RXFP1: variants seen among roughly 807,000 people sequenced by gnomAD.
RXFP1 encodes relaxin receptor 1.
In RXFP1, 73 loss-of-function variants were observed where a neutral mutation model predicts 89.8. The ratio of observed to expected loss-of-function variants is 0.81; its 90% CI spans 0.67 to 0.99. The LOEUF is 0.99. Among genes scored for constraint, RXFP1 ranks in the 50% least tolerant of loss-of-function variants. RXFP1 has a pLI of 0.00. For missense variants in RXFP1, 793 were observed against 895.5 expected, an observed-to-expected ratio of 0.89 and a Z score of 1.46; for synonymous variants, 277 against 305.5, an observed-to-expected ratio of 0.91 and a Z score of 0.97.
chr4:158,603,752 T>C (rs976893922), intron 4 of RXFP1, among the ~76,000 whole-genome samples: 1 of 151,754 alleles, frequency 6.6e-6, no homozygotes, highest in African/African-American at 2.4e-5. Context: ...TAGCCAAGCG[T>C]GGTGGCGCAC....
chr4:158,636,821 A>G (rs1218696288), intron 12 of RXFP1, among the ~76,000 whole-genome samples: 1 of 152,220 alleles, frequency 6.6e-6, no homozygotes, highest in Admixed American at 6.5e-5. Flanking sequence ...TGCTATAGTC[A>G]GCATGTTACA....
chr4:158,609,201 A>T (rs969766792), intron 6 of RXFP1, among the ~76,000 whole-genome samples: 1 of 152,144 alleles, frequency 6.6e-6, no homozygotes, highest in African/African-American at 2.4e-5. Context: ...TTGATTTTTG[A>T]GGGACTGTCA....
Position 158,653,207 on chromosome 4 carries a change from T to C in RXFP1, c.*1152T>C, listed in dbSNP as rs1027507050. The C allele has an allele frequency of 6.6e-6, 1 of 152,250 alleles. No homozygotes were observed. Among genetic ancestry groups the C allele is most frequent in the Non-Finnish European group, 1.5e-5 (1 of 68,036 alleles). The allele number at this position is 152,250 out of a possible 1,614,324, so 9.4% of individuals were successfully genotyped here. On this transcript the variant is annotated 3_prime_UTR_variant, in exon 18 of 18. Coordinates refer to ENST00000307765, the MANE Select transcript of RXFP1 (RefSeq NM_021634.4). ...TTATTAGAATTTTTTGCTTTCATAA[T>C]GTGAAACCTTTAAGCAGGAGAAGAA...
intron 3 of RXFP1, among the ~76,000 whole-genome samples, chr4:158,597,239 A>G (rs1760801321): frequency 6.6e-6 from 1 of 152,184 alleles, no homozygotes; most frequent in South Asian, 2.1e-4. Context: ...ATCATTTTTG[A>G]CTAGAATAAT....
intron 1 of RXFP1, among the ~76,000 whole-genome samples, chr4:158,561,289 G>A (rs945338203): frequency 2.0e-5 from 3 of 152,122 alleles, no homozygotes; most frequent in African/African-American, 4.8e-5. Flanking sequence ...TTTGAAATCC[G>A]AAATGTTTCA....
intron 1 of RXFP1, among the ~76,000 whole-genome samples, chr4:158,546,190 G>C (rs1230826537): frequency 6.6e-6 from 1 of 151,970 alleles, no homozygotes; most frequent in Admixed American, 6.6e-5. Flanking sequence ...GGATTCCTAG[G>C]TATTTTATTC....
At chr4:158,558,159 G>A (rs1751706307) in intron 1 of RXFP1, among the ~76,000 whole-genome samples, 1 of 152,104 alleles carries the variant, frequency 6.6e-6, no homozygotes, top group Non-Finnish European at 1.5e-5. Flanking sequence ...TCACCTTTAG[G>A]AGTAAATAAG....
At chr4:158,529,735 T>G (rs1289959336) in intron 1 of RXFP1, among the ~76,000 whole-genome samples, 1 of 152,194 alleles carries the variant, frequency 6.6e-6, no homozygotes, top group Non-Finnish European at 1.5e-5. Flanking sequence ...AGCGCTTAAT[T>G]TCTCCTTCCT....
At chr4:158,532,230 C>T (rs1050653158) in intron 1 of RXFP1, among the ~76,000 whole-genome samples, 3 of 152,098 alleles carry the variant, frequency 2.0e-5, no homozygotes, top group African/African-American at 7.2e-5. Flanking sequence ...TTAGGATAAT[C>T]GCCTCCAGCT....
intron 1 of RXFP1, among the ~76,000 whole-genome samples, chr4:158,554,991 G>T (rs1750979715): frequency 6.6e-6 from 1 of 151,966 alleles, no homozygotes; most frequent in African/African-American, 2.4e-5. Context: ...CTGATGCTTG[G>T]CAGAAAATAT....
At chr4:158,612,035 T>TA (rs1004567119) in intron 6 of RXFP1, 95 bp from the exon 7 acceptor site, 2 of 1,006,890 alleles carry the variant, frequency 2.0e-6, no homozygotes, top group African/African-American at 3.3e-5. Context: ...GAATGCTATG[T>TA]AAAAAATTTA....
chr4:158,527,941 T>A (rs1273745455), intron 1 of RXFP1, among the ~76,000 whole-genome samples: 1 of 152,058 alleles, frequency 6.6e-6, no homozygotes, highest in Non-Finnish European at 1.5e-5. Flanking sequence ...GCAAGAAATA[T>A]CAAAAGGGTA....
intron 1 of RXFP1, among the ~76,000 whole-genome samples, chr4:158,562,449 G>T (rs908154946): frequency 6.4e-5 from 9 of 140,518 alleles, no homozygotes; most frequent in African/African-American, 2.3e-4. Flanking sequence ...GCGTGAACCC[G>T]GGAGGCGGAG....
chr4:158,647,835 G>A (rs912149463), intron 16 of RXFP1, among the ~76,000 whole-genome samples: 1 of 152,122 alleles, frequency 6.6e-6, no homozygotes, highest in African/African-American at 2.4e-5. Context: ...GACCAATATG[G>A]TAAAACCCCA....
At chr4:158,610,192 G>A (rs925016845) in intron 6 of RXFP1, among the ~76,000 whole-genome samples, 3 of 152,138 alleles carry the variant, frequency 2.0e-5, no homozygotes, top group Non-Finnish European at 4.4e-5. Flanking sequence ...TTGAACCTGG[G>A]GGGCGGAGGT....
At chr4:158,637,663 A>G (rs1769462615) in intron 12 of RXFP1, among the ~76,000 whole-genome samples, 1 of 152,096 alleles carries the variant, frequency 6.6e-6, no homozygotes, top group Admixed American at 6.5e-5. Flanking sequence ...ATTTGCAAAT[A>G]TTGTCCCCCA....
chr4:158,572,523 A>AT (rs1236160401), intron 1 of RXFP1, among the ~76,000 whole-genome samples, 175 bp from the exon 2 acceptor site: 1 of 152,256 alleles, frequency 6.6e-6, no homozygotes, highest in Non-Finnish European at 1.5e-5. Context: ...TTCTGGAATC[A>AT]TGGAAAGAAC....
At chr4:158,552,759 G>A (rs1750426194) in intron 1 of RXFP1, among the ~76,000 whole-genome samples, 1 of 152,140 alleles carries the variant, frequency 6.6e-6, no homozygotes, top group African/African-American at 2.4e-5. Flanking sequence ...TAAATTTTTA[G>A]GACAAAAATG....
intron 1 of RXFP1, among the ~76,000 whole-genome samples, chr4:158,566,815 C>A (rs929961307): frequency 6.6e-6 from 1 of 152,268 alleles, no homozygotes; most frequent in Non-Finnish European, 1.5e-5. Flanking sequence ...GCTCTCGGCA[C>A]CCCCTCGCCT....
Sources: gnomAD v4.1 joint callset for allele counts (sites outside exome capture counted in the v4.1 genomes callset) on GRCh38, gnomAD v4.1.1 for gene constraint, MANE v1.5 for transcripts, NCBI Gene and HGNC (gene_info 2026-07-23, HGNC 2026-07-21) for gene names.